The following UMAD1 variants were observed in gnomAD, a reference collection of about 807,000 sequenced individuals.
UMAD1 encodes UBAP1-MVB12-associated (UMA) domain containing 1.
In UMAD1, 8 loss-of-function variants were observed where a neutral mutation model predicts 6.1. The ratio of observed to expected loss-of-function variants is 1.30; its 90% CI spans 0.76 to 2.35. The LOEUF is 2.35. UMAD1 is among the 30% of genes most tolerant of loss of function. UMAD1 has a pLI of 0.00. For synonymous variants in UMAD1, 56 were observed against 31.4 expected (o/e 1.78, Z -2.61); for missense variants, 130 against 78.4 (o/e 1.66, Z -2.49).
At chr7:7,680,729 AT>A (rs1248290725) in intron 2 of UMAD1, among the ~76,000 whole-genome samples, 1 of 151,724 alleles carries the variant, frequency 6.6e-6, no homozygotes, top group Non-Finnish European at 1.5e-5. Flanking sequence ...TTTCATCAGT[AT>A]TTTATAATTT....
At chr7:7,831,548 T>A (rs765816581) in intron 3 of UMAD1, among the ~76,000 whole-genome samples, 7 of 152,114 alleles carry the variant, frequency 4.6e-5, no homozygotes, top group Non-Finnish European at 1.0e-4. Flanking sequence ...TTTTGTGTTG[T>A]TTTTAGGCTC....
intron 2 of UMAD1, among the ~76,000 whole-genome samples, chr7:7,691,333 T>G (rs1336529200): frequency 1.3e-5 from 2 of 152,254 alleles, no homozygotes; most frequent in African/African-American, 4.8e-5. Flanking sequence ...TTTAGATATT[T>G]GTAGTCGTCA....
At chr7:7,787,067 A>T (rs956070897) in intron 2 of UMAD1, among the ~76,000 whole-genome samples, 7 of 152,322 alleles carry the variant, frequency 4.6e-5, no homozygotes, top group Admixed American at 4.6e-4. Context: ...GTTGAATTCT[A>T]ATTTCACTAA....
At chr7:7,756,136 G>T (rs1371067389) in intron 2 of UMAD1, among the ~76,000 whole-genome samples, 1 of 152,194 alleles carries the variant, frequency 6.6e-6, no homozygotes, top group Non-Finnish European at 1.5e-5. Context: ...ATAGTGTGAA[G>T]TTGGACCCCA....
intron 3 of UMAD1, among the ~76,000 whole-genome samples, chr7:7,852,253 C>T (rs1306537074): frequency 6.6e-6 from 1 of 152,192 alleles, no homozygotes; most frequent in African/African-American, 2.4e-5. Flanking sequence ...ATCAACATAA[C>T]AGCAGCCAAC....
intron 2 of UMAD1, among the ~76,000 whole-genome samples, chr7:7,709,454 G>A (rs894538266): frequency 1.3e-5 from 2 of 152,224 alleles, no homozygotes; most frequent in Non-Finnish European, 2.9e-5. Context: ...GCCACCCGAG[G>A]AGGGCAGAAT....
chr7:7,652,828 A>G (rs181458742), intron 1 of UMAD1, among the ~76,000 whole-genome samples: 1 of 152,352 alleles, frequency 6.6e-6, no homozygotes, highest in Non-Finnish European at 1.5e-5. Context: ...CAGTCAGGCT[A>G]TATTGAAAGT....
At chr7:7,676,828 T>G (rs1391829244) in intron 2 of UMAD1, among the ~76,000 whole-genome samples, 1 of 152,188 alleles carries the variant, frequency 6.6e-6, no homozygotes. Flanking sequence ...CAGATAAAGA[T>G]CTTGACAGAT....
intron 2 of UMAD1, among the ~76,000 whole-genome samples, chr7:7,680,773 T>C (rs1779889748): frequency 6.6e-6 from 1 of 152,154 alleles, no homozygotes; most frequent in Non-Finnish European, 1.5e-5. Context: ...TGGTTATATT[T>C]ATTCCTAAGT....
chr7:7,767,142 T>TTTTTTTTTTTTTTTTTGG (rs1583810092), intron 2 of UMAD1, among the ~76,000 whole-genome samples: 1 of 148,590 alleles, frequency 6.7e-6, no homozygotes, highest in Admixed American at 6.7e-5. Flanking sequence ...TTTTTTTTTT[T>TTTTTTTTTTTTTTTTTGG]GAGACGGACT....
At chr7:7,820,014 C>T (rs927827554) in intron 3 of UMAD1, among the ~76,000 whole-genome samples, 1 of 152,206 alleles carries the variant, frequency 6.6e-6, no homozygotes, top group African/African-American at 2.4e-5. Context: ...TTGACCATGA[C>T]TAACTTTGGG....
At chr7:7,783,886 G>A (rs540368959) in intron 2 of UMAD1, among the ~76,000 whole-genome samples, 3 of 152,152 alleles carry the variant, frequency 2.0e-5, no homozygotes, top group Non-Finnish European at 2.9e-5. Flanking sequence ...AGACTGACAC[G>A]GTATGCTGTC....
intron 3 of UMAD1, among the ~76,000 whole-genome samples, chr7:7,847,104 A>ATATATAT (rs1273225137): frequency 1.5e-4 from 1 of 6,616 alleles, no homozygotes; most frequent in Non-Finnish European, 2.3e-4. Flanking sequence ...AAAAAAAAAA[A>ATATATAT]ATATATATAT....
Position 7,684,201 on chromosome 7 carries a change from A to T in UMAD1, c.82+10748A>T, listed in dbSNP as rs545810070. On this transcript the variant is annotated intron_variant, in intron 2 of 3. Transcript: ENST00000682710. ...AGAAGCCTGTACATGTTTAGCACAG[A>T]TGCAATTTTTTTTTTTTTTGAGACA... 3.9e-5 allele frequency among the ~76,000 whole-genome samples: 6 copies of T among 151,980 alleles called. No homozygotes were observed. In the South Asian group the frequency reaches 8.3e-4, roughly 21 times the overall value.
intron 3 of UMAD1, among the ~76,000 whole-genome samples, chr7:7,824,905 G>T (rs1442361038): frequency 6.6e-6 from 1 of 152,104 alleles, no homozygotes; most frequent in Non-Finnish European, 1.5e-5. Flanking sequence ...TTTTCACCAG[G>T]ATAGCTAGTC....
At chr7:7,658,296 C>T (rs922854351) in intron 1 of UMAD1, among the ~76,000 whole-genome samples, 1 of 152,188 alleles carries the variant, frequency 6.6e-6, no homozygotes, top group African/African-American at 2.4e-5. Flanking sequence ...TTCGAATACC[C>T]CTTATTTCTT....
intron 3 of UMAD1, among the ~76,000 whole-genome samples, chr7:7,864,082 A>G (rs1442272986): frequency 6.6e-6 from 1 of 152,254 alleles, no homozygotes; most frequent in African/African-American, 2.4e-5. Flanking sequence ...TATCCATAAC[A>G]AGTTCCTTTC....
intron 1 of UMAD1, among the ~76,000 whole-genome samples, chr7:7,649,158 CAAAAAAAA>C (rs34943326): frequency 1.6e-5 from 2 of 128,874 alleles, no homozygotes; most frequent in African/African-American, 5.8e-5. Flanking sequence ...GACTCCATCT[CAAAAAAAA>C]AAAAAAAAAA....
intron 1 of UMAD1, among the ~76,000 whole-genome samples, chr7:7,660,353 G>T (rs1256119231): frequency 6.6e-6 from 1 of 152,194 alleles, no homozygotes; most frequent in East Asian, 1.9e-4. Flanking sequence ...TATTATGCCA[G>T]CTGGTTATTT....
Sources: allele counts gnomAD v4.1 joint callset (sites outside exome capture counted in the v4.1 genomes callset), GRCh38; gene constraint gnomAD v4.1.1; transcripts MANE v1.5; gene names NCBI Gene and HGNC (gene_info 2026-07-23, HGNC 2026-07-21).